Variants in GPC5 observed in about 807,000 individuals in gnomAD.
GPC5 encodes glypican 5.
GPC5 carries 47 observed loss-of-function variants against 53.9 expected under a neutral mutation model. The observed-to-expected ratio is 0.87, with a 90% confidence interval of 0.69 to 1.11. The LOEUF (loss-of-function observed/expected upper bound fraction) is 1.11, where lower values mean the gene tolerates loss of function less well. Ranked by LOEUF, GPC5 falls within the 50% of genes most tolerant of loss-of-function variation. The pLI, the probability that GPC5 is intolerant of heterozygous loss-of-function variation, is 0.00. For missense variants in GPC5, 748 were observed against 713.1 expected (o/e 1.05, Z -0.56); for synonymous variants, 286 against 263.3 (o/e 1.09, Z -0.84).
chr13:91,953,028 T>TA (rs958256264), intron 6 of GPC5, among the ~76,000 whole-genome samples: 2 of 152,138 alleles, frequency 1.3e-5, no homozygotes. Context: ...GAGAGGACAA[T>TA]AAAAATGAAT....
At position 92,752,854 on chromosome 13, in the gene GPC5, C is replaced by T. The variant is rs966555353; in HGVS notation, c.1562-113428C>T. ...GGAGGGACCTACGCCCAGGGAGTCTCGCTGATTGCTAGCACAGCAGTCTGA... is the reference window on the plus strand; with the variant it reads ...GGAGGGACCTACGCCCAGGGAGTCTTGCTGATTGCTAGCACAGCAGTCTGA... On this transcript the variant is annotated intron_variant, in intron 7 of 7. Coordinates refer to ENST00000377067, the MANE Select transcript of GPC5 (RefSeq NM_004466.6). 9.3e-4 allele frequency among the ~76,000 whole-genome samples: 142 copies of T among 152,228 alleles called. 1 individual carries two copies. Among genetic ancestry groups the T allele is most frequent in the African/African-American group, 3.3e-3 (138 of 41,534 alleles).
At chr13:92,401,497 TAAC>T (rs1305730790) in intron 7 of GPC5, among the ~76,000 whole-genome samples, 2 of 152,114 alleles carry the variant, frequency 1.3e-5, no homozygotes, top group African/African-American at 2.4e-5. Flanking sequence ...ATTTCATGGA[TAAC>T]AAAAATTTGT....
At chr13:91,769,179 G>A (rs149560587) in intron 5 of GPC5, among the ~76,000 whole-genome samples, 277 of 152,274 alleles carry the variant, frequency 1.8e-3, no homozygotes, top group Middle Eastern at 0.01. Context: ...TCTGAAGGTA[G>A]AATTCCATCC....
chr13:92,699,182 C>A (rs1002519369), intron 7 of GPC5, among the ~76,000 whole-genome samples: 3 of 152,022 alleles, frequency 2.0e-5, no homozygotes, highest in Non-Finnish European at 4.4e-5. Context: ...AGGAACTTAT[C>A]CATTTCTTCT....
chr13:91,987,647 G>T (rs1461330814), intron 6 of GPC5, among the ~76,000 whole-genome samples: 1 of 150,560 alleles, frequency 6.6e-6, no homozygotes, highest in Non-Finnish European at 1.5e-5. Context: ...TGAAATTTGG[G>T]AATTGTCAGT....
intron 7 of GPC5, among the ~76,000 whole-genome samples, chr13:92,421,587 T>G (rs1332902745): frequency 6.7e-6 from 1 of 149,170 alleles, no homozygotes; most frequent in Non-Finnish European, 1.5e-5. Flanking sequence ...TAGTCCCAGC[T>G]ACTCGGGAGG....
intron 2 of GPC5, among the ~76,000 whole-genome samples, chr13:91,496,846 G>A (rs144092409): frequency 1.6e-4 from 24 of 152,194 alleles, no homozygotes; most frequent in African/African-American, 5.5e-4. Context: ...TGATGTGAAT[G>A]TTACACATTG....
At chr13:92,106,223 A>C (rs1268044708) in intron 6 of GPC5, among the ~76,000 whole-genome samples, 1 of 152,034 alleles carries the variant, frequency 6.6e-6, no homozygotes, top group African/African-American at 2.4e-5. Context: ...AACTCATTTA[A>C]ATATGTGAGG....
chr13:92,044,276 T>C (rs190748803), intron 6 of GPC5, among the ~76,000 whole-genome samples: 3 of 152,290 alleles, frequency 2.0e-5, no homozygotes, highest in Admixed American at 2.0e-4. Flanking sequence ...GAATACATCT[T>C]TTTTTAAGGA....
chr13:91,902,761 T>C lies in GPC5; in HGVS notation c.1281-5176T>C, dbSNP rs555569335. ...ACAAAAAAATTTAATCTAGAAACCA[T>C]GTTTTTTTGCATGCAAATTAAAGCC... On this transcript the variant is annotated intron_variant, in intron 5 of 7. Transcript: ENST00000377067. 2.8e-4 allele frequency among the ~76,000 whole-genome samples: 43 copies of C among 152,182 alleles called. No individual in the cohort carries two copies. In the South Asian group the frequency reaches 3.3e-3, roughly 12 times the overall value.
chr13:91,794,470 C>T (rs758750506), intron 5 of GPC5, among the ~76,000 whole-genome samples: 2 of 152,328 alleles, frequency 1.3e-5, no homozygotes, highest in Admixed American at 1.3e-4. Flanking sequence ...GGATCACCAG[C>T]TTCCAGGAAG....
At chr13:92,101,958 C>G (rs939532320) in intron 6 of GPC5, among the ~76,000 whole-genome samples, 1 of 152,174 alleles carries the variant, frequency 6.6e-6, no homozygotes, top group African/African-American at 2.4e-5. Flanking sequence ...CTGTCAACAG[C>G]CAGTGATTTT....
chr13:92,788,986 A>G (rs752833336), intron 7 of GPC5, among the ~76,000 whole-genome samples: 22 of 152,116 alleles, frequency 1.4e-4, no homozygotes, highest in Non-Finnish European at 2.6e-4. Context: ...ATTGGGTAGG[A>G]AAAGTCTCAG....
intron 2 of GPC5, among the ~76,000 whole-genome samples, chr13:91,608,327 A>C (rs1415862857): frequency 6.6e-6 from 1 of 152,204 alleles, no homozygotes. Context: ...TTGTTCTTAC[A>C]AGTGCTAGGG....
intron 2 of GPC5, among the ~76,000 whole-genome samples, chr13:91,609,612 T>G (rs941395038): frequency 4.6e-5 from 7 of 152,194 alleles, no homozygotes; most frequent in African/African-American, 1.7e-4. Flanking sequence ...AACAAATTTA[T>G]TACTCACAGA....
At chr13:92,035,768 C>CAAA (rs1566405590) in intron 6 of GPC5, among the ~76,000 whole-genome samples, 1 of 144,292 alleles carries the variant, frequency 6.9e-6, no homozygotes, top group African/African-American at 2.6e-5. Flanking sequence ...AAAAAAAAAA[C>CAAA]AAAAAAAACA....
At chr13:92,683,997 T>C (rs1887180898) in intron 7 of GPC5, among the ~76,000 whole-genome samples, 1 of 152,198 alleles carries the variant, frequency 6.6e-6, no homozygotes, top group African/African-American at 2.4e-5. Flanking sequence ...TAATAAGATG[T>C]ACCCATCATG....
chr13:91,427,627 T>A (rs1305262798), intron 1 of GPC5, among the ~76,000 whole-genome samples: 2 of 152,154 alleles, frequency 1.3e-5, no homozygotes, highest in African/African-American at 4.8e-5. Context: ...CAGATGAGAC[T>A]TGGACTTTTG....
At chr13:92,681,148 G>A (rs1333253504) in intron 7 of GPC5, among the ~76,000 whole-genome samples, 2 of 151,488 alleles carry the variant, frequency 1.3e-5, no homozygotes, top group South Asian at 2.1e-4. Context: ...ACTTAAAATC[G>A]ACATGGCCTT....
Sources: allele counts gnomAD v4.1 joint callset (sites outside exome capture counted in the v4.1 genomes callset), GRCh38; gene constraint gnomAD v4.1.1; transcripts MANE v1.5; gene names NCBI Gene and HGNC (gene_info 2026-07-23, HGNC 2026-07-21).